Variants in CALU observed in about 807,000 individuals in gnomAD.
The protein encoded by CALU is calumenin.
CALU carries 13 observed loss-of-function variants against 37.5 expected under a neutral mutation model. The ratio of observed to expected loss-of-function variants is 0.35; its 90% CI spans 0.23 to 0.55. The LOEUF is 0.55. Ranked by LOEUF, CALU falls within the 20% of genes least tolerant of loss-of-function variation. CALU has a pLI of 0.89. For synonymous variants in CALU, 114 were observed against 133.8 expected, an observed-to-expected ratio of 0.85 and a Z score of 1.02; for missense variants, 282 against 391.7, an observed-to-expected ratio of 0.72 and a Z score of 2.36.
At position 128,769,258 on chromosome 7, in the gene CALU, T is replaced by C. The variant is rs934734528; in HGVS notation, c.*91T>C. The C allele has an allele frequency of 3.0e-5, 20 of 669,156 alleles. No homozygotes were observed. Among genetic ancestry groups the C allele is most frequent in the Non-Finnish European group, 4.9e-5 (19 of 389,832 alleles). The allele number at this position is 669,156 out of a possible 1,614,324, so 41.5% of individuals were successfully genotyped here. ...TTGTTTGCGCTACTGAGACTGTTAC[T>C]ACAAACTTTTTAAGACATGAAAAGG... On this transcript the variant is annotated 3_prime_UTR_variant, in exon 7 of 7. Coordinates refer to ENST00000249364, the MANE Select transcript of CALU (RefSeq NM_001219.5).
intron 1 of CALU, chr7:128,748,348 C>CA (rs1800525431): frequency 6.7e-7 from 1 of 1,498,250 alleles, no homozygotes; most frequent in Non-Finnish European, 8.9e-7. Context: ...TATCAGCCTA[C>CA]AATCAGATGA....
intron 1 of CALU, chr7:128,747,899 A>G (rs912821703): frequency 6.4e-5 from 10 of 156,718 alleles, no homozygotes; most frequent in African/African-American, 2.4e-4. Context: ...ATGGGAAACA[A>G]CTGTGCAGAA....
chr7:128,742,438 A>G (rs946971029), intron 1 of CALU, among the ~76,000 whole-genome samples: 3 of 152,236 alleles, frequency 2.0e-5, no homozygotes, highest in South Asian at 2.1e-4. Context: ...ACATTGAGCA[A>G]TGGGTCTTTG....
intron 2 of CALU, among the ~76,000 whole-genome samples, chr7:128,752,830 A>G (rs559776080): frequency 6.6e-5 from 10 of 152,278 alleles, no homozygotes; most frequent in South Asian, 4.1e-4. Context: ...GATTACAGGC[A>G]TGCGCCACCA....
chr7:128,755,292 A>C (rs929457682), intron 3 of CALU, among the ~76,000 whole-genome samples: 3 of 128,132 alleles, frequency 2.3e-5, no homozygotes, highest in African/African-American at 9.9e-5. Flanking sequence ...AGCCTTGGGG[A>C]CAGAGCGAGC....
At chr7:128,764,772 C>CATCA (rs1213405570) in intron 5 of CALU, among the ~76,000 whole-genome samples, 4 of 151,026 alleles carry the variant, frequency 2.6e-5, no homozygotes, top group South Asian at 4.2e-4. Context: ...ACAATGTGAC[C>CATCA]ATCACTTAAT....
At chr7:128,755,882 C>T (rs570521576) in intron 3 of CALU, among the ~76,000 whole-genome samples, 5 of 152,294 alleles carry the variant, frequency 3.3e-5, no homozygotes, top group East Asian at 3.9e-4. Context: ...AAGCGTTCTC[C>T]GCCACTGACT....
chr7:128,751,407 T>G (rs1346604209), intron 2 of CALU, among the ~76,000 whole-genome samples: 1 of 151,958 alleles, frequency 6.6e-6, no homozygotes, highest in African/African-American at 2.4e-5. Flanking sequence ...GCTAAGGACT[T>G]TTCCTCAGAA....
At chr7:128,757,358 A>AGTGTGTGTGTGTGTGTGTGT (rs10638444) in intron 3 of CALU, among the ~76,000 whole-genome samples, 14 of 146,092 alleles carry the variant, frequency 9.6e-5, no homozygotes, top group African/African-American at 3.3e-4. Flanking sequence ...TATGGCTTTG[A>AGTGTGTGTGTGTGTGTGTGT]GTGTGTGTGT....
At chr7:128,742,624 A>G (rs529947426) in intron 1 of CALU, among the ~76,000 whole-genome samples, 1 of 152,216 alleles carries the variant, frequency 6.6e-6, no homozygotes, top group African/African-American at 2.4e-5. Flanking sequence ...CACTATGGAC[A>G]CTAAGGACAA....
chr7:128,759,759 C>T, intron 4 of CALU, 33 bp from the exon 5 acceptor site: 1 of 1,047,066 alleles, frequency 9.6e-7, no homozygotes, highest in Non-Finnish European at 1.5e-6. Flanking sequence ...CAGAGACCAA[C>T]TTAATAGTCT....
At chr7:128,750,237 A>AAG (rs1563128693) in intron 2 of CALU, among the ~76,000 whole-genome samples, 1 of 99,986 alleles carries the variant, frequency 1.0e-5, no homozygotes, top group Non-Finnish European at 2.5e-5. Context: ...AAAAAAAAAA[A>AAG]AAAGAAAATA....
chr7:128,748,997 A>C (rs938064156), intron 2 of CALU, among the ~76,000 whole-genome samples, 193 bp downstream of exon 2: 6 of 152,254 alleles, frequency 3.9e-5, no homozygotes, highest in Non-Finnish European at 8.8e-5. Flanking sequence ...ATTGAATAAC[A>C]GTTGGTGCCT....
At chr7:128,741,458 G>A (rs1481349571) in intron 1 of CALU, among the ~76,000 whole-genome samples, 2 of 152,176 alleles carry the variant, frequency 1.3e-5, no homozygotes, top group East Asian at 1.9e-4. Flanking sequence ...CAGAAATGTC[G>A]ATTCTAAAGG....
In CALU at chr7:128,754,269, G is replaced by A; in HGVS notation, c.229G>A (p.Val77Ile). 1.2e-6 allele frequency: 2 copies of A among 1,606,356 alleles called. No homozygotes were observed. Among genetic ancestry groups the A allele is most frequent in the Non-Finnish European group, 1.7e-6 (2 of 1,176,856 alleles). The change falls in exon 3 of 7, where the codon GTA becomes ATA. Residue 77 changes from valine to isoleucine, a missense_variant. By Grantham distance (29) the Val-to-Ile change is conservative. Coordinates refer to ENST00000249364, the MANE Select transcript of CALU (RefSeq NM_001219.5). ...EESKERLGKI[V>I]SKIDGDKDGF... ...TCTCTGCATTTTCTACAGAAAGATT[G>A]TAAGTAAAATAGATGGCGACAAGGA...
Position 128,767,474 on chromosome 7 carries a change from A to G in CALU, c.662A>G (p.Asp221Gly), listed in dbSNP as rs1030837162. 6.2e-7 allele frequency: 1 copy of G among 1,613,670 alleles called. No individual in the cohort carries two copies. The change falls in exon 6 of 7, where the codon GAT (aspartate) becomes GGT (glycine). Residue 221 changes from aspartate (D) to glycine (G), a missense_variant. Transcript: ENST00000249364. The part of the protein sequence containing the change: ...EEYIGDMYSH[D>G]GNTDEPEWVK... ...TACCCAGGTGACATGTACAGCCATG[A>G]TGGGAATACTGATGAGCCAGAATGG...
chr7:128,754,758 G>T, intron 3 of CALU: 1 of 1,410,756 alleles, frequency 7.1e-7, no homozygotes, highest in South Asian at 1.4e-5. Flanking sequence ...AGGGACCGTG[G>T]TCTTGAGTCA....
rs972966718 is a variant in CALU at position 128,772,792 on chromosome 7, A to G, written c.*3625A>G. The G allele has an allele frequency of 5.2e-6, 6 of 1,162,258 alleles. No individual in the cohort carries two copies. The African/African-American group carries it at 9.1e-5, about 18-fold the overall frequency. The allele number at this position is 1,162,258 out of a possible 1,614,324, so 72.0% of individuals were successfully genotyped here. A position where few individuals can be genotyped will look rare whatever the true frequency, so the allele number is the denominator to read the frequency against. The stretch of plus-strand genomic sequence containing the variant: ...AATGCCCTTAGGTGGTTTTGAATCT[A>G]TCTTCCCCATCCTGAAAACTATCTA... On this transcript the variant is annotated 3_prime_UTR_variant, in exon 7 of 7. Coordinates refer to ENST00000249364, the MANE Select transcript of CALU (RefSeq NM_001219.5).
In CALU at chr7:128,771,530, A is replaced by G. The variant is rs914103175; in HGVS notation, c.*2363A>G. ...AGAAATAGAACTCTAGCTTAGAATT[A>G]TGGATGCTCTAAAATGTCAGAATGG... On this transcript the variant is annotated 3_prime_UTR_variant, in exon 7 of 7. Transcript: ENST00000249364. The G allele has an allele frequency of 6.5e-6, 1 of 152,690 alleles. No homozygotes were observed. Among genetic ancestry groups the G allele is most frequent in the African/African-American group, 2.4e-5 (1 of 41,468 alleles). The allele number at this position is 152,690 out of a possible 1,614,324, so 9.5% of individuals were successfully genotyped here.
Sources: allele counts gnomAD v4.1 joint callset (sites outside exome capture counted in the v4.1 genomes callset), GRCh38; gene constraint gnomAD v4.1.1; transcripts MANE v1.5; gene names NCBI Gene and HGNC (gene_info 2026-07-23, HGNC 2026-07-21).